DCC: variants seen among roughly 807,000 people sequenced by gnomAD.
DCC encodes DCC netrin 1 receptor.
A neutral mutation model predicts 172.5 loss-of-function variants in DCC; 58 were observed. That is an observed-to-expected ratio of 0.34 (90% CI 0.27 to 0.42). The LOEUF (loss-of-function observed/expected upper bound fraction) is 0.42, where lower values mean the gene tolerates loss of function less well. DCC is among the 10% of genes least tolerant of loss of function. DCC has a pLI of 1.00. For missense variants in DCC, 1,740 were observed against 1,791.0 expected (o/e 0.97, Z 0.51); for synonymous variants, 709 against 644.5 (o/e 1.10, Z -1.52).
chr18:53,174,420 G>T lies in DCC; in HGVS notation c.1419-4542G>T, dbSNP rs551372820. Among the ~76,000 whole-genome samples the T allele has an allele frequency of 2.0e-5, 3 of 151,000 alleles. No homozygotes were observed. The South Asian group carries it at 6.3e-4, about 32-fold the overall frequency. ...TTTGAAAGGATCAACCAAACTGATAGACCGCTAGCAAGACTAATAAAGAAA... is the reference window on the plus strand; with the variant it reads ...TTTGAAAGGATCAACCAAACTGATATACCGCTAGCAAGACTAATAAAGAAA... On this transcript the variant is annotated intron_variant, in intron 8 of 28. Transcript: ENST00000442544.
intron 1 of DCC, among the ~76,000 whole-genome samples, chr18:52,729,440 G>T (rs1227859325): frequency 6.6e-6 from 1 of 151,846 alleles, no homozygotes; most frequent in Non-Finnish European, 1.5e-5. Flanking sequence ...TTGTATTTTT[G>T]GTAGAGATGG....
At chr18:52,615,906 C>A (rs2034371857) in intron 1 of DCC, among the ~76,000 whole-genome samples, 1 of 152,002 alleles carries the variant, frequency 6.6e-6, no homozygotes, top group South Asian at 2.1e-4. Context: ...CATTTATATG[C>A]AGATATATAA....
At chr18:52,799,647 G>T (rs1299351811) in intron 2 of DCC, among the ~76,000 whole-genome samples, 2 of 152,134 alleles carry the variant, frequency 1.3e-5, no homozygotes, top group Non-Finnish European at 2.9e-5. Flanking sequence ...TGGCACCCAT[G>T]AATCAGTATT....
chr18:53,102,904 G>A (rs561550875), intron 7 of DCC, among the ~76,000 whole-genome samples: 1 of 152,212 alleles, frequency 6.6e-6, no homozygotes, highest in East Asian at 1.9e-4. Flanking sequence ...AGTTATCAGT[G>A]TATTTCACCG....
At chr18:52,390,161 T>A (rs182852764) in intron 1 of DCC, among the ~76,000 whole-genome samples, 1 of 152,240 alleles carries the variant, frequency 6.6e-6, no homozygotes, top group East Asian at 1.9e-4. Flanking sequence ...TCTATGAGGA[T>A]CCTGTATCAG....
intron 1 of DCC, among the ~76,000 whole-genome samples, chr18:52,575,497 T>C (rs2033387220): frequency 6.6e-6 from 1 of 152,190 alleles, no homozygotes; most frequent in Non-Finnish European, 1.5e-5. Flanking sequence ...AGTGTATCAG[T>C]TGGACAGAAA....
chr18:53,006,852 T>A (rs1348208366), intron 5 of DCC, among the ~76,000 whole-genome samples: 2 of 152,180 alleles, frequency 1.3e-5, no homozygotes, highest in African/African-American at 4.8e-5. Context: ...GCTGATCCAC[T>A]TCCAACAGGG....
intron 27 of DCC, among the ~76,000 whole-genome samples, chr18:53,519,299 T>C (rs1273171082): frequency 6.6e-6 from 1 of 152,130 alleles, no homozygotes; most frequent in Non-Finnish European, 1.5e-5. Context: ...AATATTTATT[T>C]GAGCACTCAT....
At chr18:53,258,058 T>C (rs192064599) in intron 12 of DCC, among the ~76,000 whole-genome samples, 72 of 152,284 alleles carry the variant, frequency 4.7e-4, no homozygotes, top group Non-Finnish European at 9.1e-4. Flanking sequence ...GGTGGTGATA[T>C]CCCTTTTATC....
chr18:53,507,446 T>TTATC (rs1467158035), intron 27 of DCC, among the ~76,000 whole-genome samples: 1 of 152,258 alleles, frequency 6.6e-6, no homozygotes, highest in Non-Finnish European at 1.5e-5. Context: ...TTTATAACTC[T>TTATC]TATCTTACTA....
chr18:53,363,298 C>T (rs1259726571), intron 15 of DCC, among the ~76,000 whole-genome samples: 2 of 152,148 alleles, frequency 1.3e-5, no homozygotes, highest in Non-Finnish European at 1.5e-5. Flanking sequence ...TCTGTCATTT[C>T]TTCACTGGCA....
At chr18:52,741,160 C>T (rs918471824) in intron 1 of DCC, among the ~76,000 whole-genome samples, 1 of 152,180 alleles carries the variant, frequency 6.6e-6, no homozygotes, top group Non-Finnish European at 1.5e-5. Context: ...TCTTCTGGGG[C>T]TCTTTTCTTT....
intron 7 of DCC, among the ~76,000 whole-genome samples, chr18:53,100,915 G>A (rs938201079): frequency 8.5e-5 from 13 of 152,228 alleles, no homozygotes; most frequent in African/African-American, 3.1e-4. Context: ...ACCACACAGA[G>A]CATATTTTGG....
chr18:53,105,649 G>A (rs1208994641), intron 7 of DCC, among the ~76,000 whole-genome samples: 3 of 151,810 alleles, frequency 2.0e-5, no homozygotes, highest in South Asian at 2.1e-4. Context: ...ACACCATGAC[G>A]AGCTGTTCAC....
intron 12 of DCC, among the ~76,000 whole-genome samples, chr18:53,258,307 G>T (rs2056548963): frequency 2.0e-5 from 3 of 151,888 alleles, no homozygotes; most frequent in South Asian, 2.1e-4. Context: ...TGATGTTAGG[G>T]TGTCAATTTT....
chr18:53,144,422 T>C (rs2043875394), intron 7 of DCC, among the ~76,000 whole-genome samples: 2 of 152,146 alleles, frequency 1.3e-5, no homozygotes, highest in South Asian at 4.1e-4. Flanking sequence ...TGGGGAGGCC[T>C]GGCAATCATG....
chr18:52,455,372 T>TC (rs1446284748), intron 1 of DCC, among the ~76,000 whole-genome samples: 2 of 152,178 alleles, frequency 1.3e-5, no homozygotes, highest in East Asian at 1.9e-4. Context: ...AGAACCATCT[T>TC]ACTTCTGAAC....
At chr18:52,904,062 G>T (rs1036797750) in intron 2 of DCC, among the ~76,000 whole-genome samples, 1 of 152,184 alleles carries the variant, frequency 6.6e-6, no homozygotes. Flanking sequence ...GGCGCCCCCT[G>T]TAGGCAATCT....
At chr18:53,269,417 A>G (rs977084440) in intron 12 of DCC, among the ~76,000 whole-genome samples, 10 of 152,160 alleles carry the variant, frequency 6.6e-5, no homozygotes, top group Non-Finnish European at 1.0e-4. Flanking sequence ...ACAAAACTCC[A>G]TCCAAGGTGG....
Sources: gnomAD v4.1 joint callset for allele counts (sites outside exome capture counted in the v4.1 genomes callset) on GRCh38, gnomAD v4.1.1 for gene constraint, MANE v1.5 for transcripts, NCBI Gene and HGNC (gene_info 2026-07-23, HGNC 2026-07-21) for gene names.